The following CDH13 variants were observed in gnomAD, a reference collection of about 807,000 sequenced individuals.
CDH13 encodes the protein cadherin 13, also known as cadherin-13.
CDH13 carries 24 observed loss-of-function variants against 63.8 expected under a neutral mutation model. The observed-to-expected ratio is 0.38, with a 90% CI of 0.27 to 0.53. The LOEUF (loss-of-function observed/expected upper bound fraction) is 0.53. CDH13 is among the 20% of genes least tolerant of loss of function. The probability of loss-of-function intolerance (pLI) is 0.85; values close to 1 mark genes in which losing one functional copy is unlikely to be tolerated. For synonymous variants in CDH13, 503 were observed against 355.3 expected (o/e 1.42, Z -4.67); for missense variants, 1,049 against 903.1 (o/e 1.16, Z -2.07).
chr16:83,203,944 G>A (rs1210198679), intron 4 of CDH13, among the ~76,000 whole-genome samples: 5 of 152,186 alleles, frequency 3.3e-5, no homozygotes, highest in African/African-American at 9.7e-5. Flanking sequence ...AGCTCAGGGG[G>A]TGTGAGAAGT....
chr16:83,144,106 T>G (rs571062228), intron 4 of CDH13, among the ~76,000 whole-genome samples: 1 of 152,292 alleles, frequency 6.6e-6, no homozygotes, highest in Admixed American at 6.5e-5. Context: ...ATCGCCTGAT[T>G]GGTCATACTT....
chr16:83,002,699 C>G (rs1036042410), intron 2 of CDH13, among the ~76,000 whole-genome samples: 6 of 152,064 alleles, frequency 3.9e-5, no homozygotes, highest in Non-Finnish European at 8.8e-5. Flanking sequence ...GTGGCATGAT[C>G]ATCAGGAAAG....
chr16:83,686,785 C>T (rs1904344854), intron 10 of CDH13, among the ~76,000 whole-genome samples: 2 of 152,008 alleles, frequency 1.3e-5, no homozygotes, highest in Admixed American at 6.6e-5. Flanking sequence ...TTTTTAAGGG[C>T]TCAAATGTCT....
chr16:83,690,131 C>G (rs565635234), intron 10 of CDH13, among the ~76,000 whole-genome samples: 4 of 152,116 alleles, frequency 2.6e-5, no homozygotes, highest in Non-Finnish European at 4.4e-5. Flanking sequence ...CAAGATCACG[C>G]CACTGCACTC....
At chr16:83,240,693 T>C (rs1567531869) in intron 5 of CDH13, among the ~76,000 whole-genome samples, 3 of 139,918 alleles carry the variant, frequency 2.1e-5, no homozygotes, top group Non-Finnish European at 3.1e-5. Flanking sequence ...AAAAAAAACA[T>C]GACTTTAAAT....
chr16:83,263,553 C>A (rs534372231), intron 5 of CDH13, among the ~76,000 whole-genome samples: 22 of 152,268 alleles, frequency 1.4e-4, no homozygotes, highest in African/African-American at 4.6e-4. Flanking sequence ...CCACCGCCCA[C>A]TGAATGGTTT....
At chr16:83,509,265 A>C (rs1427218762) in intron 7 of CDH13, among the ~76,000 whole-genome samples, 1 of 152,226 alleles carries the variant, frequency 6.6e-6, no homozygotes, top group African/African-American at 2.4e-5. Context: ...TATGTGGAAC[A>C]TGCCATGGCC....
intron 6 of CDH13, among the ~76,000 whole-genome samples, chr16:83,367,187 G>A (rs1414435125): frequency 6.6e-6 from 1 of 152,122 alleles, no homozygotes; most frequent in East Asian, 1.9e-4. Context: ...CCATGGATTT[G>A]CCCATTCTGG....
intron 5 of CDH13, among the ~76,000 whole-genome samples, chr16:83,281,827 T>G (rs1567561692): frequency 6.6e-6 from 1 of 151,762 alleles, no homozygotes; most frequent in Non-Finnish European, 1.5e-5. Context: ...GCAGGAGAAT[T>G]GCTTGAACCC....
intron 2 of CDH13, among the ~76,000 whole-genome samples, chr16:83,016,966 T>A (rs1914868030): frequency 6.6e-6 from 1 of 152,202 alleles, no homozygotes; most frequent in Admixed American, 6.5e-5. Context: ...GATCTTGGGA[T>A]GTGTGATGAC....
chr16:82,707,753 G>C (rs536827858), intron 1 of CDH13, among the ~76,000 whole-genome samples: 1 of 152,304 alleles, frequency 6.6e-6, no homozygotes, highest in East Asian at 1.9e-4. Context: ...AATATTTGTA[G>C]GTGAAGACGT....
chr16:83,039,592 C>T (rs1917161479), intron 3 of CDH13, among the ~76,000 whole-genome samples: 1 of 152,138 alleles, frequency 6.6e-6, no homozygotes, highest in African/African-American at 2.4e-5. Flanking sequence ...TTCCCTGCCT[C>T]CCTCCCTTCC....
At chr16:83,580,869 G>A (rs1038063654) in intron 7 of CDH13, among the ~76,000 whole-genome samples, 2 of 152,114 alleles carry the variant, frequency 1.3e-5, no homozygotes, top group South Asian at 2.1e-4. Flanking sequence ...GGAGTTAATT[G>A]TAAGTAGAAA....
At chr16:82,756,590 C>T (rs1274066202) in intron 1 of CDH13, among the ~76,000 whole-genome samples, 1 of 152,166 alleles carries the variant, frequency 6.6e-6, no homozygotes, top group Non-Finnish European at 1.5e-5. Context: ...TTAAATGAGG[C>T]TATGCTTGTT....
intron 2 of CDH13, among the ~76,000 whole-genome samples, chr16:82,931,477 A>C (rs12923512): frequency 6.6e-6 from 1 of 151,576 alleles, no homozygotes; most frequent in East Asian, 1.9e-4. Context: ...TTCTATAAGC[A>C]GTGGGGAAGC....
At chr16:83,462,040 A>G (rs1478209452) in intron 6 of CDH13, among the ~76,000 whole-genome samples, 2 of 152,230 alleles carry the variant, frequency 1.3e-5, no homozygotes, top group Admixed American at 6.5e-5. Flanking sequence ...TCATGAGTCT[A>G]TAAGAGTAAC....
intron 2 of CDH13, among the ~76,000 whole-genome samples, chr16:82,909,906 G>C (rs908468896): frequency 4.6e-5 from 7 of 152,222 alleles, no homozygotes; most frequent in African/African-American, 1.7e-4. Flanking sequence ...TTTTTCATGT[G>C]CACCAATATC....
At chr16:82,638,568 G>T (rs1283964878) in intron 1 of CDH13, among the ~76,000 whole-genome samples, 1 of 152,102 alleles carries the variant, frequency 6.6e-6, no homozygotes, top group African/African-American at 2.4e-5. Flanking sequence ...TGGTCTGAAG[G>T]TGTCATGGGG....
At chr16:83,649,829 G>C (rs1013618692) in intron 8 of CDH13, among the ~76,000 whole-genome samples, 1 of 152,180 alleles carries the variant, frequency 6.6e-6, no homozygotes, top group Admixed American at 6.5e-5. Flanking sequence ...CTTTGCTGAA[G>C]CACCCAGCCA....
Sources: allele counts gnomAD v4.1 joint callset (sites outside exome capture counted in the v4.1 genomes callset), GRCh38; gene constraint gnomAD v4.1.1; transcripts MANE v1.5; gene names NCBI Gene and HGNC (gene_info 2026-07-23, HGNC 2026-07-21).